The following PLAG1 variants were observed in gnomAD, a reference collection of about 807,000 sequenced individuals.
PLAG1 encodes the protein PLAG1 zinc finger, also known as zinc finger protein PLAG1.
A neutral mutation model predicts 35.5 loss-of-function variants in PLAG1; 7 were observed. The ratio of observed to expected loss-of-function variants is 0.20; its 90% CI spans 0.11 to 0.37. The LOEUF (loss-of-function observed/expected upper bound fraction) is 0.37, where lower values mean the gene tolerates loss of function less well. Among genes scored for constraint, PLAG1 ranks in the 10% least tolerant of loss-of-function variants. The probability of loss-of-function intolerance (pLI) is 1.00; values close to 1 mark genes in which losing one functional copy is unlikely to be tolerated. For missense variants in PLAG1, 454 were observed against 602.8 expected (o/e 0.75, Z 2.58); for synonymous variants, 229 against 225.4 (o/e 1.02, Z -0.14).
chr8:56,189,446 G>A (rs772923145), intron 1 of PLAG1, among the ~76,000 whole-genome samples: 10 of 152,052 alleles, frequency 6.6e-5, no homozygotes, highest in African/African-American at 1.2e-4. Flanking sequence ...ACAGAGCTCC[G>A]GGTAAGGGAT....
intron 1 of PLAG1, among the ~76,000 whole-genome samples, chr8:56,201,746 T>C (rs1305888668): frequency 6.6e-6 from 1 of 152,208 alleles, no homozygotes; most frequent in East Asian, 1.9e-4. Flanking sequence ...CTGCAATTCC[T>C]ATCTCATGAG....
chr8:56,177,240 C>A (rs1429842617), intron 2 of PLAG1, among the ~76,000 whole-genome samples: 1 of 152,176 alleles, frequency 6.6e-6, no homozygotes, highest in Admixed American at 6.5e-5. Flanking sequence ...TGGCCTGGTT[C>A]AGGTCTGCAC....
chr8:56,179,138 C>T (rs965443703), intron 2 of PLAG1, among the ~76,000 whole-genome samples: 1 of 148,788 alleles, frequency 6.7e-6, no homozygotes, highest in Non-Finnish European at 1.5e-5. Context: ...ATCTGGGGAA[C>T]AGGAACAAAT....
At chr8:56,174,954 T>C (rs1345807618) in intron 2 of PLAG1, among the ~76,000 whole-genome samples, 2 of 152,208 alleles carry the variant, frequency 1.3e-5, no homozygotes, top group African/African-American at 2.4e-5. Flanking sequence ...TTATATCAGG[T>C]ACTTGAGCAT....
At chr8:56,192,961 G>A (rs1036013076) in intron 1 of PLAG1, among the ~76,000 whole-genome samples, 1 of 152,140 alleles carries the variant, frequency 6.6e-6, no homozygotes, top group Admixed American at 6.5e-5. Context: ...AAAAAAATGA[G>A]TAACTGTGGG....
At chr8:56,204,784 A>G (rs1307138735) in intron 1 of PLAG1, among the ~76,000 whole-genome samples, 1 of 151,890 alleles carries the variant, frequency 6.6e-6, no homozygotes, top group Non-Finnish European at 1.5e-5. Context: ...TAATGAGTGA[A>G]AGGCTAAAAG....
intron 1 of PLAG1, among the ~76,000 whole-genome samples, chr8:56,189,807 G>A (rs1170572528): frequency 2.6e-5 from 4 of 152,184 alleles, no homozygotes; most frequent in Non-Finnish European, 5.9e-5. Flanking sequence ...TGGGGAGTGC[G>A]TCCCAGTCGG....
intron 1 of PLAG1, among the ~76,000 whole-genome samples, chr8:56,207,821 C>G (rs148558411): frequency 6.6e-6 from 1 of 152,110 alleles, no homozygotes; most frequent in African/African-American, 2.4e-5. Flanking sequence ...AAATATTGTG[C>G]TGTGCCCCAT....
At chr8:56,198,801 T>C (rs1168891011) in intron 1 of PLAG1, among the ~76,000 whole-genome samples, 3 of 150,130 alleles carry the variant, frequency 2.0e-5, no homozygotes, top group African/African-American at 7.2e-5. Context: ...TCTGAACTCC[T>C]TCTTAATTCC....
chr8:56,188,473 A>C (rs1044074329), intron 1 of PLAG1, among the ~76,000 whole-genome samples: 4 of 152,248 alleles, frequency 2.6e-5, no homozygotes, highest in African/African-American at 9.6e-5. Flanking sequence ...AAATGTTTCT[A>C]AACACTACAT....
At chr8:56,184,939 T>C (rs1299048928) in intron 1 of PLAG1, among the ~76,000 whole-genome samples, 1 of 152,128 alleles carries the variant, frequency 6.6e-6, no homozygotes, top group Non-Finnish European at 1.5e-5. Flanking sequence ...AGAGTATGAC[T>C]GTGTCTCAGA....
chr8:56,176,200 C>T (rs1388839471), intron 2 of PLAG1, among the ~76,000 whole-genome samples: 1 of 152,000 alleles, frequency 6.6e-6, no homozygotes, highest in East Asian at 1.9e-4. Flanking sequence ...CAGGCATGTA[C>T]CATCATACCC....
At chr8:56,207,603 T>C (rs1812735199) in intron 1 of PLAG1, among the ~76,000 whole-genome samples, 1 of 152,076 alleles carries the variant, frequency 6.6e-6, no homozygotes, top group Admixed American at 6.5e-5. Flanking sequence ...CTTTATAGAA[T>C]TTCAAGTAGC....
At chr8:56,201,960 C>CTTT (rs71555635) in intron 1 of PLAG1, among the ~76,000 whole-genome samples, 62 of 136,918 alleles carry the variant, frequency 4.5e-4, no homozygotes, top group Non-Finnish European at 7.9e-4. Context: ...TTTTTGGGCT[C>CTTT]TTTTTTTTTT....
chr8:56,166,562 GCAC>G lies in PLAG1; in HGVS notation c.1181_1183del (p.Gly394del), dbSNP rs745720729. 1.5e-5 allele frequency: 24 copies of G among 1,613,656 alleles called. No individual in the cohort carries two copies. The highest frequency in any genetic ancestry group is 1.9e-5 in the Non-Finnish European group (22 of 1,179,796). ...GCTTTTGGATAGGGAGAGGTCTCCTGCACCATCATCTAGGGACCCAATCTGAGG... is the reference window on the plus strand; with the variant it reads ...GCTTTTGGATAGGGAGAGGTCTCCTGCATCATCTAGGGACCCAATCTGAGG... On this transcript the variant is annotated inframe_deletion, in exon 5 of 5. Transcript: ENST00000316981.
At chr8:56,179,083 T>C (rs953971083) in intron 2 of PLAG1, among the ~76,000 whole-genome samples, 4 of 143,888 alleles carry the variant, frequency 2.8e-5, no homozygotes, top group Non-Finnish European at 6.1e-5. Flanking sequence ...TGTATCACTG[T>C]GCAAGATTTA....
chr8:56,190,544 AG>A (rs1159421661), intron 1 of PLAG1, among the ~76,000 whole-genome samples: 1 of 152,158 alleles, frequency 6.6e-6, no homozygotes, highest in Non-Finnish European at 1.5e-5. Flanking sequence ...GTGAGGAAGG[AG>A]TGCTGCATGA....
At chr8:56,206,013 C>A (rs1472523810) in intron 1 of PLAG1, among the ~76,000 whole-genome samples, 2 of 151,832 alleles carry the variant, frequency 1.3e-5, no homozygotes, top group Non-Finnish European at 2.9e-5. Flanking sequence ...CATAACACTA[C>A]CTTTTTAAAA....
chr8:56,174,657 G>T (rs1811635371), intron 2 of PLAG1, among the ~76,000 whole-genome samples: 1 of 152,134 alleles, frequency 6.6e-6, no homozygotes, highest in Admixed American at 6.5e-5. Context: ...TGACCTACAG[G>T]CTTGCTTAGT....
Sources: gnomAD v4.1 joint callset for allele counts (sites outside exome capture counted in the v4.1 genomes callset) on GRCh38, gnomAD v4.1.1 for gene constraint, MANE v1.5 for transcripts, NCBI Gene and HGNC (gene_info 2026-07-23, HGNC 2026-07-21) for gene names.